The following C22orf39 variants were observed in gnomAD, a reference collection of about 807,000 sequenced individuals.
C22orf39 encodes synaptic plasticity regulator PANTS.
C22orf39 carries 20 observed loss-of-function variants against 18.3 expected under a neutral mutation model. That is an observed-to-expected ratio of 1.09 (90% confidence interval 0.77 to 1.59). The LOEUF is 1.59. Ranked by LOEUF, C22orf39 falls within the 40% of genes most tolerant of loss-of-function variation. C22orf39 has a pLI of 0.00. For synonymous variants in C22orf39, 63 were observed against 59.6 expected, an observed-to-expected ratio of 1.06 and a Z score of -0.26; for missense variants, 195 against 156.1, an observed-to-expected ratio of 1.25 and a Z score of -1.33.
At position 19,442,482 on chromosome 22, in the gene C22orf39, G is replaced by C. The variant is rs139675440; in HGVS notation, c.*1783C>G. ...ACTGGGGTGCTGGCTGGCATGCCCTGGCTTTTGCTGCACTCTCCAGCTCTG... is the reference window on the plus strand; with the variant it reads ...ACTGGGGTGCTGGCTGGCATGCCCTCGCTTTTGCTGCACTCTCCAGCTCTG... On this transcript the variant is annotated 3_prime_UTR_variant, in exon 3 of 3. Coordinates refer to ENST00000399562, the MANE Select transcript of C22orf39 (RefSeq NM_173793.5). The C allele has an allele frequency of 1.9e-4, 29 of 152,424 alleles. 1 individual carries two copies. The highest frequency in any genetic ancestry group is 7.0e-4 in the African/African-American group (29 of 41,568). The allele number at this position is 152,424 out of a possible 1,614,324, so 9.4% of individuals were successfully genotyped here. A position where few individuals can be genotyped will look rare whatever the true frequency, so the allele number is the denominator to read the frequency against.
chr22:19,443,901 G>A lies in C22orf39; in HGVS notation c.*364C>T. The A allele has an allele frequency of 9.8e-7, 1 of 1,015,804 alleles. No homozygotes were observed. Among genetic ancestry groups the A allele is most frequent in the Non-Finnish European group, 1.2e-6 (1 of 850,306 alleles). 62.9% of individuals were successfully genotyped at this position (1,015,804 alleles called of 1,614,324 possible). A position where few individuals can be genotyped will look rare whatever the true frequency, so the allele number is the denominator to read the frequency against. Reference sequence around the variant, plus strand: ...TTAGCTACCTCATTATGACCCACCTGTGTGTCCACACAGGTCAGGGCTACC... The same window carrying A: ...TTAGCTACCTCATTATGACCCACCTATGTGTCCACACAGGTCAGGGCTACC... On this transcript the variant is annotated 3_prime_UTR_variant, in exon 3 of 3. Coordinates refer to ENST00000399562, the MANE Select transcript of C22orf39 (RefSeq NM_173793.5).
Position 19,444,148 on chromosome 22 carries a change from A to G in C22orf39, c.*117T>C. On this transcript the variant is annotated 3_prime_UTR_variant, in exon 3 of 3. Coordinates refer to ENST00000399562, the MANE Select transcript of C22orf39 (RefSeq NM_173793.5). ...CAATGTCCTGCTCCATGTTCCTGTG[A>G]GCAAGAGCTCACAGGGACCCACCAG... 1 of 1,417,016 alleles carries G rather than the reference A, an allele frequency of 7.1e-7. No individual in the cohort carries two copies. 87.8% of individuals were successfully genotyped at this position (1,417,016 alleles called of 1,614,324 possible). A position where few individuals can be genotyped will look rare whatever the true frequency, so the allele number is the denominator to read the frequency against.
chr22:19,444,051 G>A lies in C22orf39; in HGVS notation c.*214C>T. 1 of 1,306,466 alleles carries A rather than the reference G, an allele frequency of 7.7e-7. No individual in the cohort carries two copies. The highest frequency in any genetic ancestry group is 9.7e-7 in the Non-Finnish European group (1 of 1,033,178). 80.9% of individuals were successfully genotyped at this position (1,306,466 alleles called of 1,614,324 possible). Reference sequence around the variant, plus strand: ...GGCCTCCTGGAAGCTCTAAAGCGGTGCAATTGTCCTGCAGAACATCGCAGT... The same window carrying A: ...GGCCTCCTGGAAGCTCTAAAGCGGTACAATTGTCCTGCAGAACATCGCAGT... On this transcript the variant is annotated 3_prime_UTR_variant, in exon 3 of 3. Coordinates refer to ENST00000399562, the MANE Select transcript of C22orf39 (RefSeq NM_173793.5).
chr22:19,445,185 TTCCCTGATA>T (rs1200285113), intron 2 of C22orf39, among the ~76,000 whole-genome samples: 1 of 152,230 alleles, frequency 6.6e-6, no homozygotes, highest in Admixed American at 6.5e-5. Flanking sequence ...AGTTAACAGC[TTCCCTGATA>T]TCTTTTTTTG....
Position 19,444,298 on chromosome 22 carries a change from C to T in C22orf39, c.285G>A (p.Trp95Ter). Residue 95 changes from tryptophan (W) to a stop codon, truncating the protein, a stop_gained, in exon 3 of 3, where the codon TGG (tryptophan) becomes TGA (stop). Coordinates refer to ENST00000399562, the MANE Select transcript of C22orf39 (RefSeq NM_173793.5). LOFTEE classifies it high-confidence loss of function. Reference sequence around the variant, plus strand: ...CCTTCTCCTGTGGCAGAGGGAGATGCCAGTCTGGAGGGGGGCTCTGCCTCG... The same window carrying T: ...CCTTCTCCTGTGGCAGAGGGAGATGTCAGTCTGGAGGGGGGCTCTGCCTCG... ...WAPRQSPPPD[W>*]HLPLPQEKDE 2 of 1,598,612 alleles carry T rather than the reference C, an allele frequency of 1.3e-6. No individual in the cohort carries two copies. Among genetic ancestry groups the T allele is most frequent in the Non-Finnish European group, 8.5e-7 (1 of 1,174,286 alleles).
chr22:19,444,498 A>G (rs1012258231), intron 2 of C22orf39, 108 bp from the exon 3 acceptor site: 55 of 1,198,938 alleles, frequency 4.6e-5, no homozygotes, highest in Non-Finnish European at 6.2e-5. Flanking sequence ...GGCAGGGCCT[A>G]TGGTACACAC....
chr22:19,443,318 T>C lies in C22orf39; in HGVS notation c.*947A>G, dbSNP rs1423446032. 4.1e-6 allele frequency: 4 copies of C among 985,430 alleles called. No homozygotes were observed. Among genetic ancestry groups the C allele is most frequent in the African/African-American group, 1.7e-5 (1 of 57,358 alleles). The allele number at this position is 985,430 out of a possible 1,614,324, so 61.0% of individuals were successfully genotyped here. ...TCAGCATCACACAACAGGGCCACCA[T>C]AGGATGAGAAACCATTCTATTAGTA... On this transcript the variant is annotated 3_prime_UTR_variant, in exon 3 of 3. Transcript: ENST00000399562.
Position 19,442,461 on chromosome 22 carries a change from G to C in C22orf39, c.*1804C>G, listed in dbSNP as rs1397606176. On this transcript the variant is annotated 3_prime_UTR_variant, in exon 3 of 3. Coordinates refer to ENST00000399562, the MANE Select transcript of C22orf39 (RefSeq NM_173793.5). ...CTGAGGGGAAGCCCCTCATGGACTG[G>C]GGTGCTGGCTGGCATGCCCTGGCTT... 6.6e-6 allele frequency: 1 copy of C among 152,350 alleles called. No homozygotes were observed. The highest frequency in any genetic ancestry group is 1.5e-5 in the Non-Finnish European group (1 of 68,138). The allele number at this position is 152,350 out of a possible 1,614,324, so 9.4% of individuals were successfully genotyped here.
rs1415182537 is a variant in C22orf39, at chr22:19,441,736, T to G, written c.*2529A>C. ...AAAGATATTGCTCTTATTACAGTAT[T>G]TGTTTTCTTCATACCACCACCATAA... On this transcript the variant is annotated 3_prime_UTR_variant, in exon 3 of 3. Transcript: ENST00000399562. 1.4e-5 allele frequency: 21 copies of G among 1,537,752 alleles called. No homozygotes were observed. Among genetic ancestry groups the G allele is most frequent in the Non-Finnish European group, 1.8e-5 (20 of 1,141,142 alleles).
rs79954743 is a variant in C22orf39, at chr22:19,447,222, G to A, written c.192+156C>T. Among the ~76,000 whole-genome samples, 55 of 152,302 alleles carry A rather than the reference G, an allele frequency of 3.6e-4. No individual in the cohort carries two copies. The East Asian group carries it at 6.4e-3, about 18-fold the overall frequency. ...CGCCCTCTGAAAGTCCTGTTGATAT[G>A]CTAATTTACACAATCTCTCAAAAGA... On this transcript the variant is annotated intron_variant, in intron 2 of 2. Transcript: ENST00000399562.
chr22:19,443,624 AG>A lies in C22orf39; in HGVS notation c.*640del. On this transcript the variant is annotated 3_prime_UTR_variant, in exon 3 of 3. Coordinates refer to ENST00000399562, the MANE Select transcript of C22orf39 (RefSeq NM_173793.5). The stretch of plus-strand genomic sequence containing the variant: ...TGAGTCCACAAACCCTCTTTATGCA[AG>A]GTTGTGTGTTCTGTAGCTGTGTGCA... 1 of 985,352 alleles carries A rather than the reference AG, an allele frequency of 1.0e-6. No individual in the cohort carries two copies. The highest frequency in any genetic ancestry group is 1.2e-6 in the Non-Finnish European group (1 of 829,884). 61.0% of individuals were successfully genotyped at this position (985,352 alleles called of 1,614,324 possible).
At position 19,444,125 on chromosome 22, in the gene C22orf39, A is replaced by G; in HGVS notation, c.*140T>C. The G allele has an allele frequency of 3.6e-6, 5 of 1,381,880 alleles. No homozygotes were observed. The highest frequency in any genetic ancestry group is 3.7e-6 in the Non-Finnish European group (4 of 1,077,012). The allele number at this position is 1,381,880 out of a possible 1,614,324, so 85.6% of individuals were successfully genotyped here. ...GAGGGGTGGGCAAGTAGGGCTAGCA[A>G]TGTCCTGCTCCATGTTCCTGTGAGC... On this transcript the variant is annotated 3_prime_UTR_variant, in exon 3 of 3. Coordinates refer to ENST00000399562, the MANE Select transcript of C22orf39 (RefSeq NM_173793.5).
Position 19,447,700 on chromosome 22 carries a change from C to T in C22orf39, c.-12G>A, listed in dbSNP as rs560643297. ...CTGCCGTCCGCCATGTCTGGGCGAC[C>T]GGCGCGCCAAGCCCGCCCCTCAGTC... On this transcript the variant is annotated 5_prime_UTR_variant, in exon 1 of 3. Transcript: ENST00000399562. 2.5e-6 allele frequency: 4 copies of T among 1,607,812 alleles called. No homozygotes were observed. The highest frequency in any genetic ancestry group is 2.7e-5 in the African/African-American group (2 of 74,754).
rs889113020 is a variant in C22orf39 at position 19,442,122 on chromosome 22, A to G, written c.*2143T>C. The G allele has an allele frequency of 6.3e-6, 1 of 158,048 alleles. No individual in the cohort carries two copies. The highest frequency in any genetic ancestry group is 1.4e-5 in the Non-Finnish European group (1 of 71,778). The allele number at this position is 158,048 out of a possible 1,614,324, so 9.8% of individuals were successfully genotyped here. Reference sequence around the variant, plus strand: ...TTAAATTCCTATTTATTGATGTTTAATGTCTGTCTTTTACCCAAACTACAA... The same window carrying G: ...TTAAATTCCTATTTATTGATGTTTAGTGTCTGTCTTTTACCCAAACTACAA... On this transcript the variant is annotated 3_prime_UTR_variant, in exon 3 of 3. Transcript: ENST00000399562.
intron 2 of C22orf39, among the ~76,000 whole-genome samples, chr22:19,446,102 C>T (rs2089637922): frequency 6.6e-6 from 1 of 152,164 alleles, no homozygotes; most frequent in East Asian, 1.9e-4. Context: ...CAGGTGCCCA[C>T]CACCATGCCC....
chr22:19,447,439 T>G lies in C22orf39; in HGVS notation c.131A>C (p.Gln44Pro). 6.6e-7 allele frequency: 1 copy of G among 1,512,430 alleles called. No individual in the cohort carries two copies. Among genetic ancestry groups the G allele is most frequent in the South Asian group, 1.2e-5 (1 of 81,374 alleles). The allele number at this position is 1,512,430 out of a possible 1,614,324, so 93.7% of individuals were successfully genotyped here. A position where few individuals can be genotyped will look rare whatever the true frequency, so the allele number is the denominator to read the frequency against. The change falls in exon 2 of 3, where the codon CAG becomes CCG. Residue 44 changes from glutamine to proline, a missense_variant. Transcript: ENST00000399562. Reference protein sequence around the residue: ...YVHGERPACEQWQRDLASCRD... With the variant: ...YVHGERPACEPWQRDLASCRD... ...GCAGCTGGCCAGGTCGCGCTGCCACTGTTCGCAGGCCGGCCGCTCGCCGTG... is the reference window on the plus strand; with the variant it reads ...GCAGCTGGCCAGGTCGCGCTGCCACGGTTCGCAGGCCGGCCGCTCGCCGTG...
chr22:19,442,871 C>T lies in C22orf39; in HGVS notation c.*1394G>A, dbSNP rs1425553341. Reference sequence around the variant, plus strand: ...ACAGCAGACTGCAAATTCAGATGCCCCGTCCCTGTGTTTAAGAGTAAGAAA... The same window carrying T: ...ACAGCAGACTGCAAATTCAGATGCCTCGTCCCTGTGTTTAAGAGTAAGAAA... On this transcript the variant is annotated 3_prime_UTR_variant, in exon 3 of 3. Transcript: ENST00000399562. 1.3e-5 allele frequency: 2 copies of T among 152,664 alleles called. No individual in the cohort carries two copies. Among genetic ancestry groups the T allele is most frequent in the Non-Finnish European group, 2.9e-5 (2 of 68,462 alleles). The allele number at this position is 152,664 out of a possible 1,614,324, so 9.5% of individuals were successfully genotyped here. A position where few individuals can be genotyped will look rare whatever the true frequency, so the allele number is the denominator to read the frequency against.
Position 19,443,100 on chromosome 22 carries a change from GT to G in C22orf39, c.*1164del. ...CACAACCCCCACCCCCACCCCCACT[GT>G]TCACAGACACAGGGGCTCTTAGGGA... On this transcript the variant is annotated 3_prime_UTR_variant, in exon 3 of 3. Transcript: ENST00000399562. 18 of 287,362 alleles carry G rather than the reference GT, an allele frequency of 6.3e-5. No homozygotes were observed. The highest frequency in any genetic ancestry group is 7.9e-5 in the Non-Finnish European group (17 of 213,946). The allele number at this position is 287,362 out of a possible 1,614,324, so 17.8% of individuals were successfully genotyped here. A position where few individuals can be genotyped will look rare whatever the true frequency, so the allele number is the denominator to read the frequency against.
Position 19,447,412 on chromosome 22 carries a change from C to T in C22orf39, c.158G>A (p.Arg53His). The T allele has an allele frequency of 6.6e-7, 1 of 1,506,158 alleles. No homozygotes were observed. Among genetic ancestry groups the T allele is most frequent in the East Asian group, 2.7e-5 (1 of 37,128 alleles). 93.3% of individuals were successfully genotyped at this position (1,506,158 alleles called of 1,614,324 possible). A position where few individuals can be genotyped will look rare whatever the true frequency, so the allele number is the denominator to read the frequency against. ...GGCGTTCCGGCGCTCCTCCCAGTCG[C>T]GGCAGCTGGCCAGGTCGCGCTGCCA... The part of the protein sequence containing the change: ...EQWQRDLASC[R>H]DWEERRNAEA... The change falls in exon 2 of 3, where the codon CGC becomes CAC. Residue 53 changes from arginine to histidine, a missense_variant. Transcript: ENST00000399562.
Sources: allele counts gnomAD v4.1 joint callset (sites outside exome capture counted in the v4.1 genomes callset), GRCh38; gene constraint gnomAD v4.1.1; transcripts MANE v1.5; gene names NCBI Gene and HGNC (gene_info 2026-07-23, HGNC 2026-07-21).